Variants in SERGEF observed in about 807,000 individuals in gnomAD.
SERGEF encodes secretion-regulating guanine nucleotide exchange factor.
In SERGEF, 51 loss-of-function variants were observed where a neutral mutation model predicts 50.0. The observed-to-expected ratio is 1.02, with a 90% CI of 0.81 to 1.29. SERGEF has a LOEUF of 1.29. SERGEF is among the 50% of genes most tolerant of loss of function. SERGEF has a pLI of 0.00. For missense variants in SERGEF, 521 were observed against 557.0 expected (o/e 0.94, Z 0.65); for synonymous variants, 205 against 212.4 (o/e 0.97, Z 0.30).
At position 17,828,984 on chromosome 11, in the gene SERGEF, G is replaced by A. The variant is rs114530699; in HGVS notation, c.1049-40571C>T. Among the ~76,000 whole-genome samples the A allele has an allele frequency of 5.5e-3, 841 of 152,298 alleles. 7 individuals are homozygous for A. Among genetic ancestry groups the A allele is most frequent in the African/African-American group, 0.019 (799 of 41,560 alleles). On this transcript the variant is annotated intron_variant, in intron 10 of 10. Transcript: ENST00000265965. ...TGTGAGCTCCCCGTTAACTCTTCTAGTCCCTTGCAACTCCCAAGAAGATAC... is the reference window on the plus strand; with the variant it reads ...TGTGAGCTCCCCGTTAACTCTTCTAATCCCTTGCAACTCCCAAGAAGATAC...
chr11:17,818,324 C>A (rs1296491610), intron 10 of SERGEF, among the ~76,000 whole-genome samples: 1 of 152,030 alleles, frequency 6.6e-6, no homozygotes, highest in Non-Finnish European at 1.5e-5. Flanking sequence ...AACAAGAAAA[C>A]AAGCAAATAT....
At chr11:17,959,057 C>T (rs1400904307) in intron 9 of SERGEF, among the ~76,000 whole-genome samples, 21 of 152,098 alleles carry the variant, frequency 1.4e-4, no homozygotes, top group African/African-American at 4.1e-4. Context: ...TTAGTAGAGA[C>T]GGGGTTTCAC....
intron 9 of SERGEF, among the ~76,000 whole-genome samples, chr11:17,956,883 G>A (rs966646564): frequency 1.3e-5 from 2 of 152,180 alleles, no homozygotes; most frequent in African/African-American, 4.8e-5. Flanking sequence ...ACCTAGTTTA[G>A]TGTGGCTCTT....
chr11:17,811,748 G>A (rs764275141), intron 10 of SERGEF, among the ~76,000 whole-genome samples: 6 of 152,218 alleles, frequency 3.9e-5, no homozygotes, highest in African/African-American at 7.2e-5. Context: ...TCCTAAATGA[G>A]CAGTTATAAA....
At chr11:17,986,492 C>T (rs968278992) in intron 8 of SERGEF, among the ~76,000 whole-genome samples, 16 of 152,340 alleles carry the variant, frequency 1.1e-4, no homozygotes, top group Non-Finnish European at 1.8e-4. Context: ...AGAAACCTGA[C>T]GCTGAGCTCC....
intron 10 of SERGEF, among the ~76,000 whole-genome samples, chr11:17,860,886 C>A (rs561791112): frequency 1.3e-5 from 2 of 152,302 alleles, no homozygotes; most frequent in South Asian, 4.1e-4. Flanking sequence ...TTGAGTCCGG[C>A]ACTTGGCATA....
At chr11:17,974,756 T>A (rs1853331623) in intron 8 of SERGEF, among the ~76,000 whole-genome samples, 1 of 152,186 alleles carries the variant, frequency 6.6e-6, no homozygotes, top group African/African-American at 2.4e-5. Flanking sequence ...CCTTCTAGGA[T>A]TAAAATTCCA....
intron 9 of SERGEF, among the ~76,000 whole-genome samples, chr11:17,936,413 A>G (rs1225405442): frequency 6.6e-6 from 1 of 152,218 alleles, no homozygotes; most frequent in Non-Finnish European, 1.5e-5. Flanking sequence ...GCATTATGTA[A>G]TATCTCAGTA....
intron 9 of SERGEF, among the ~76,000 whole-genome samples, chr11:17,945,959 C>A (rs1852650922): frequency 6.6e-6 from 1 of 152,042 alleles, no homozygotes; most frequent in Admixed American, 6.6e-5. Flanking sequence ...GCCTGGGCAA[C>A]AAGAGTAAAA....
chr11:17,902,444 T>A (rs1851764856), intron 9 of SERGEF, among the ~76,000 whole-genome samples: 2 of 146,388 alleles, frequency 1.4e-5, no homozygotes, highest in South Asian at 4.3e-4. Flanking sequence ...TTGCAAAGCA[T>A]GTTCAAGAGA....
intron 8 of SERGEF, among the ~76,000 whole-genome samples, chr11:17,979,249 C>T (rs189191439): frequency 6.6e-6 from 1 of 152,340 alleles, no homozygotes; most frequent in African/African-American, 2.4e-5. Context: ...GGGGAAAAAA[C>T]TGCCAGGATT....
intron 9 of SERGEF, among the ~76,000 whole-genome samples, chr11:17,928,867 T>A (rs1405212767): frequency 2.6e-5 from 4 of 152,130 alleles, no homozygotes; most frequent in African/African-American, 9.7e-5. Context: ...TTTCCAGGTT[T>A]TGTAATGTTT....
At chr11:17,987,598 T>G (rs1379377934) in intron 8 of SERGEF, among the ~76,000 whole-genome samples, 3 of 152,228 alleles carry the variant, frequency 2.0e-5, no homozygotes, top group Non-Finnish European at 4.4e-5. Flanking sequence ...TATACAGGCC[T>G]CTATTGCAAA....
intron 10 of SERGEF, among the ~76,000 whole-genome samples, chr11:17,815,640 C>T (rs1289158026): frequency 1.3e-5 from 2 of 148,416 alleles, no homozygotes; most frequent in Non-Finnish European, 1.5e-5. Flanking sequence ...AAAACAAAAA[C>T]CGGCCGGGCT....
intron 9 of SERGEF, among the ~76,000 whole-genome samples, chr11:17,907,913 G>A (rs533990346): frequency 1.3e-5 from 2 of 152,240 alleles, no homozygotes; most frequent in Admixed American, 1.3e-4. Context: ...AGACAAAATA[G>A]CATGCATCCT....
At chr11:17,878,399 T>C (rs1851278629) in intron 9 of SERGEF, among the ~76,000 whole-genome samples, 155 bp from the exon 10 acceptor site, 2 of 152,132 alleles carry the variant, frequency 1.3e-5, no homozygotes, top group African/African-American at 4.8e-5. Flanking sequence ...AAGATTATAA[T>C]TACAACACAT....
chr11:17,968,099 G>A (rs1285211197), intron 8 of SERGEF, among the ~76,000 whole-genome samples: 1 of 152,124 alleles, frequency 6.6e-6, no homozygotes, highest in Non-Finnish European at 1.5e-5. Context: ...CCCACTGAAG[G>A]GTGAAGAACA....
intron 10 of SERGEF, among the ~76,000 whole-genome samples, chr11:17,789,849 G>A (rs1269972981): frequency 6.6e-6 from 1 of 152,108 alleles, no homozygotes; most frequent in Non-Finnish European, 1.5e-5. Flanking sequence ...GCCAGACATG[G>A]TGGTGCATGC....
intron 10 of SERGEF, among the ~76,000 whole-genome samples, chr11:17,864,469 C>T (rs796722358): frequency 6.6e-6 from 1 of 152,118 alleles, no homozygotes; most frequent in South Asian, 2.1e-4. Context: ...AAATGTATGA[C>T]TTAACAGAAA....
Sources: allele counts gnomAD v4.1 joint callset (sites outside exome capture counted in the v4.1 genomes callset), GRCh38; gene constraint gnomAD v4.1.1; transcripts MANE v1.5; gene names NCBI Gene and HGNC (gene_info 2026-07-23, HGNC 2026-07-21).